The following ADAMTS6 variants were observed in gnomAD, a reference collection of about 807,000 sequenced individuals.
ADAMTS6 encodes A disintegrin and metalloproteinase with thrombospondin motifs 6.
In ADAMTS6, 23 loss-of-function variants were observed where a neutral mutation model predicts 144.3. The ratio of observed to expected loss-of-function variants is 0.16; its 90% CI spans 0.11 to 0.23. The LOEUF (loss-of-function observed/expected upper bound fraction) is 0.23, where lower values mean the gene tolerates loss of function less well. Among genes scored for constraint, ADAMTS6 ranks in the 10% least tolerant of loss-of-function variants. The probability of loss-of-function intolerance (pLI) is 1.00; values close to 1 mark genes in which losing one functional copy is unlikely to be tolerated. For synonymous variants in ADAMTS6, 444 were observed against 457.5 expected (o/e 0.97, Z 0.38); for missense variants, 999 against 1,379.6 (o/e 0.72, Z 4.37).
At chr5:65,479,102 A>C (rs1338079652) in intron 1 of ADAMTS6, among the ~76,000 whole-genome samples, 1 of 152,176 alleles carries the variant, frequency 6.6e-6, no homozygotes, top group Non-Finnish European at 1.5e-5. Context: ...TCTTTCATCC[A>C]TCTTAACTCT....
chr5:65,286,746 G>A (rs995236651), intron 11 of ADAMTS6, among the ~76,000 whole-genome samples: 2 of 152,186 alleles, frequency 1.3e-5, no homozygotes, highest in Non-Finnish European at 2.9e-5. Context: ...CTAAAGCTGA[G>A]GCTGAGCCTT....
intron 12 of ADAMTS6, among the ~76,000 whole-genome samples, chr5:65,269,224 C>G (rs959465926): frequency 6.6e-6 from 1 of 152,106 alleles, no homozygotes; most frequent in Non-Finnish European, 1.5e-5. Flanking sequence ...TGAGGAGGCC[C>G]GCAAAAAGCT....
chr5:65,479,140 T>C (rs1761036855), intron 1 of ADAMTS6, among the ~76,000 whole-genome samples: 1 of 152,226 alleles, frequency 6.6e-6, no homozygotes, highest in African/African-American at 2.4e-5. Context: ...TGATTTGGTC[T>C]CCATGGAAGA....
chr5:65,247,663 T>C (rs892924203), intron 14 of ADAMTS6, among the ~76,000 whole-genome samples: 2 of 152,188 alleles, frequency 1.3e-5, no homozygotes, highest in Admixed American at 6.5e-5. Flanking sequence ...CCTTTGTCCC[T>C]TTCCCTTTCC....
chr5:65,249,627 T>A (rs993030338), intron 14 of ADAMTS6, among the ~76,000 whole-genome samples: 4 of 152,222 alleles, frequency 2.6e-5, no homozygotes, highest in Non-Finnish European at 5.9e-5. Flanking sequence ...TGCCCCTCAG[T>A]TGTATTCTTT....
chr5:65,453,839 C>G (rs890471647), intron 4 of ADAMTS6, among the ~76,000 whole-genome samples: 7 of 152,010 alleles, frequency 4.6e-5, no homozygotes, highest in African/African-American at 1.7e-4. Flanking sequence ...ATATGATACA[C>G]TTGACAGAAA....
Position 65,394,239 on chromosome 5 carries a change from C to T in ADAMTS6, c.1073+57236G>A, listed in dbSNP as rs114295905. 2.3e-3 allele frequency among the ~76,000 whole-genome samples: 349 copies of T among 152,272 alleles called. 3 individuals carry two copies. The highest frequency in any genetic ancestry group is 8.1e-3 in the African/African-American group (338 of 41,544). ...AGCCTCCAAGCAAGCAGGCTGGTTG[C>T]CCTGAAGCCAGCATGCTGGACAAAA... On this transcript the variant is annotated intron_variant, in intron 7 of 24. Coordinates refer to ENST00000381055, the MANE Select transcript of ADAMTS6 (RefSeq NM_197941.4).
intron 7 of ADAMTS6, among the ~76,000 whole-genome samples, chr5:65,374,923 T>C (rs1023356266): frequency 5.9e-5 from 9 of 152,230 alleles, no homozygotes; most frequent in African/African-American, 2.2e-4. Context: ...TATAGATCAA[T>C]GGAACAGAAC....
At chr5:65,404,671 T>A (rs1754280204) in intron 7 of ADAMTS6, among the ~76,000 whole-genome samples, 1 of 152,236 alleles carries the variant, frequency 6.6e-6, no homozygotes, top group Non-Finnish European at 1.5e-5. Flanking sequence ...AGTAATGGGA[T>A]GGCTGGGTCA....
intron 7 of ADAMTS6, among the ~76,000 whole-genome samples, chr5:65,341,714 AAG>A (rs1375525946): frequency 1.3e-5 from 2 of 152,268 alleles, no homozygotes; most frequent in East Asian, 3.9e-4. Context: ...ACTTCTAAGA[AAG>A]AAAAGTCCAA....
intron 7 of ADAMTS6, among the ~76,000 whole-genome samples, chr5:65,402,098 A>G (rs1414869490): frequency 2.6e-5 from 4 of 151,826 alleles, no homozygotes; most frequent in Non-Finnish European, 5.9e-5. Context: ...CAAGCATTGC[A>G]CTCTCTACCA....
intron 18 of ADAMTS6, among the ~76,000 whole-genome samples, chr5:65,220,928 C>T (rs143899306): frequency 6.6e-6 from 1 of 152,044 alleles, no homozygotes; most frequent in Admixed American, 6.6e-5. Context: ...GTTACAGATC[C>T]TACAGATATT....
intron 7 of ADAMTS6, among the ~76,000 whole-genome samples, chr5:65,377,013 T>TTA (rs1415666334): frequency 2.0e-5 from 3 of 151,866 alleles, no homozygotes; most frequent in East Asian, 1.9e-4. Context: ...CATGGAAGAC[T>TTA]TATATATATA....
intron 11 of ADAMTS6, among the ~76,000 whole-genome samples, chr5:65,282,557 A>G (rs1462317932): frequency 6.6e-6 from 1 of 152,090 alleles, no homozygotes; most frequent in Non-Finnish European, 1.5e-5. Flanking sequence ...TTCTCCCTAC[A>G]AGAGACAGCT....
chr5:65,327,588 G>A (rs1322655592), intron 9 of ADAMTS6, among the ~76,000 whole-genome samples: 1 of 152,022 alleles, frequency 6.6e-6, no homozygotes, highest in Non-Finnish European at 1.5e-5. Flanking sequence ...AAACTTCAGA[G>A]GTATATTCTA....
chr5:65,165,092 G>A, intron 24 of ADAMTS6, among the ~76,000 whole-genome samples: 1 of 10,716 alleles, frequency 9.3e-5, no homozygotes, highest in Non-Finnish European at 1.7e-4. Flanking sequence ...TGAGCTACGG[G>A]AGGACATTCA....
chr5:65,256,452 AT>A (rs1760669716), intron 14 of ADAMTS6: 2 of 152,232 alleles, frequency 1.3e-5, no homozygotes, highest in African/African-American at 2.4e-5. Context: ...TGACAGCAGA[AT>A]TGCCTCAAGT....
chr5:65,151,769 G>A lies in ADAMTS6; in HGVS notation c.*67C>T. 7.3e-7 allele frequency: 1 copy of A among 1,374,058 alleles called. No homozygotes were observed. The highest frequency in any genetic ancestry group is 1.0e-6 in the Non-Finnish European group (1 of 969,028). The allele number at this position is 1,374,058 out of a possible 1,614,324, so 85.1% of individuals were successfully genotyped here. Reference sequence around the variant, plus strand: ...AAGGACATCAATCCTCTTCCTCTGGGTGGCTCTCTTTGATGGATGCATTTC... The same window carrying A: ...AAGGACATCAATCCTCTTCCTCTGGATGGCTCTCTTTGATGGATGCATTTC... On this transcript the variant is annotated 3_prime_UTR_variant, in exon 25 of 25. Coordinates refer to ENST00000381055, the MANE Select transcript of ADAMTS6 (RefSeq NM_197941.4).
intron 24 of ADAMTS6, among the ~76,000 whole-genome samples, chr5:65,161,344 T>A (rs1752767131): frequency 6.6e-6 from 1 of 152,230 alleles, no homozygotes; most frequent in South Asian, 2.1e-4. Context: ...GGCCTCCTTG[T>A]CTCTTTTGAA....
Sources: gnomAD v4.1 joint callset for allele counts (sites outside exome capture counted in the v4.1 genomes callset) on GRCh38, gnomAD v4.1.1 for gene constraint, MANE v1.5 for transcripts, NCBI Gene and HGNC (gene_info 2026-07-23, HGNC 2026-07-21) for gene names.